The following MOV10L1 variants were observed in gnomAD, a reference collection of about 807,000 sequenced individuals.
MOV10L1 encodes the protein RNA helicase Mov10l1.
In MOV10L1, 110 loss-of-function variants were observed where a neutral mutation model predicts 143.8. The observed-to-expected ratio is 0.76, with a 90% CI of 0.66 to 0.90. The LOEUF (loss-of-function observed/expected upper bound fraction) is 0.90. MOV10L1 is among the 40% of genes least tolerant of loss of function. The probability of loss-of-function intolerance (pLI) is 0.00; values close to 1 mark genes in which losing one functional copy is unlikely to be tolerated. For synonymous variants in MOV10L1, 593 were observed against 581.1 expected, an observed-to-expected ratio of 1.02 and a Z score of -0.29; for missense variants, 1,406 against 1,526.8, an observed-to-expected ratio of 0.92 and a Z score of 1.32.
chr22:50,155,886 A>G (rs1356789091), intron 22 of MOV10L1, among the ~76,000 whole-genome samples: 2 of 152,140 alleles, frequency 1.3e-5, no homozygotes, highest in East Asian at 3.9e-4. Context: ...CCCTGTCTCT[A>G]CAAAAAATAC....
At chr22:50,116,660 CT>C (rs397867977) in intron 8 of MOV10L1, among the ~76,000 whole-genome samples, 1,431 of 104,090 alleles carry the variant, frequency 0.014, 12 homozygotes, top group African/African-American at 0.04. Context: ...TAGATGCTTA[CT>C]TTTTTTTTTT....
At chr22:50,134,910 G>C (rs1367012135) in intron 15 of MOV10L1, among the ~76,000 whole-genome samples, 3 of 152,212 alleles carry the variant, frequency 2.0e-5, no homozygotes, top group Admixed American at 2.0e-4. Context: ...TATATGCAAG[G>C]GCTAAGATGC....
Position 50,134,544 on chromosome 22 carries a change from G to A in MOV10L1, c.1984G>A (p.Glu662Lys), listed in dbSNP as rs1283758927. ...HLGVKVLFPE[E>K]IILQSPQVTG... ...TGTTTTAAAAGTGTTGTTTCCAGAA[G>A]AAATTATTTTACAGTCTCCACAAGT... Residue 662 changes from glutamate to lysine, a missense_variant, in exon 15 of 27, where the codon GAA becomes AAA. Transcript: ENST00000262794. The A allele has an allele frequency of 6.2e-7, 1 of 1,614,074 alleles. No individual in the cohort carries two copies. Among genetic ancestry groups the A allele is most frequent in the Non-Finnish European group, 8.5e-7 (1 of 1,179,976 alleles).
chr22:50,145,898 C>G, intron 19 of MOV10L1, 88 bp downstream of exon 19: 2 of 1,565,468 alleles, frequency 1.3e-6, no homozygotes, highest in Non-Finnish European at 1.7e-6. Context: ...GGCGGATGAC[C>G]CAGAGACTCA....
rs749837003 is a variant in MOV10L1 at position 50,142,175 on chromosome 22, A to AT, written c.2165_2166insT (p.Glu722AspfsTer8). The AT allele has an allele frequency of 6.2e-7, 1 of 1,612,622 alleles. No homozygotes were observed. The highest frequency in any genetic ancestry group is 8.5e-7 in the Non-Finnish European group (1 of 1,179,302). On this transcript the variant is annotated frameshift_variant, in exon 16 of 27. Coordinates refer to ENST00000262794, the MANE Select transcript of MOV10L1 (RefSeq NM_018995.3). LOFTEE classifies it high-confidence loss of function. The stretch of plus-strand genomic sequence containing the variant: ...CCGGTGCTGGCACCCTTTACTGCAG[A>AT]GATGAGCGATTGGGGTATGTGCTCA...
At chr22:50,122,817 T>A (rs2062388285) in intron 10 of MOV10L1, among the ~76,000 whole-genome samples, 1 of 151,694 alleles carries the variant, frequency 6.6e-6, no homozygotes, top group Admixed American at 6.6e-5. Context: ...CAGGCTCTCC[T>A]GTCGCCCAGG....
intron 11 of MOV10L1, 62 bp from the exon 12 acceptor site, chr22:50,126,140 G>A: frequency 8.2e-7 from 1 of 1,212,488 alleles, no homozygotes; most frequent in South Asian, 1.3e-5. Flanking sequence ...GATTTTATAG[G>A]ACAGCACAGA....
intron 10 of MOV10L1, among the ~76,000 whole-genome samples, chr22:50,121,979 G>T (rs897764705): frequency 2.6e-5 from 4 of 151,968 alleles, no homozygotes; most frequent in Non-Finnish European, 5.9e-5. Flanking sequence ...CCCCAGAGAC[G>T]AGGTCTCACT....
At chr22:50,091,956 G>A (rs1351225631) in intron 1 of MOV10L1, 45 bp from the exon 2 acceptor site, 26 of 1,581,368 alleles carry the variant, frequency 1.6e-5, no homozygotes, top group African/African-American at 8.1e-5. Context: ...TGTAGCGTAC[G>A]CTTGCTTTTA....
Position 50,142,148 on chromosome 22 carries a change from T to C in MOV10L1, c.2138T>C (p.Leu713Pro). 6.2e-7 allele frequency: 1 copy of C among 1,613,550 alleles called. No individual in the cohort carries two copies. The highest frequency in any genetic ancestry group is 8.5e-7 in the Non-Finnish European group (1 of 1,179,736). ...GAGAGGCGTGTTGGTGACAAGGACC[T>C]GCCGGTGCTGGCACCCTTTACTGCA... is the stretch of plus-strand genomic sequence containing the variant. ...TEERRVGDKD[L>P]PVLAPFTAEM... is the part of the protein sequence containing the mutation. The change falls in exon 16 of 27, where the codon CTG becomes CCG. Residue 713 changes from leucine to proline, a missense_variant. This residue lies in a region of MOV10L1 where 1,233 missense variants were observed against 1,351.4 expected (regional missense o/e 0.91). Coordinates refer to ENST00000262794, the MANE Select transcript of MOV10L1 (RefSeq NM_018995.3).
At chr22:50,146,891 C>T (rs1483065221) in intron 19 of MOV10L1, 2 of 619,226 alleles carry the variant, frequency 3.2e-6, no homozygotes, top group Non-Finnish European at 5.7e-6. Flanking sequence ...TTTTTTGGTT[C>T]AAGTCTTCAA....
At chr22:50,108,936 G>A (rs1317783265) in intron 5 of MOV10L1, 92 bp downstream of exon 5, 1 of 1,292,548 alleles carries the variant, frequency 7.7e-7, no homozygotes, top group Admixed American at 2.0e-5. Flanking sequence ...CCTGAGGTTG[G>A]GAGTTCAAGA....
chr22:50,155,635 C>A (rs1467878366), intron 22 of MOV10L1, among the ~76,000 whole-genome samples: 1 of 152,176 alleles, frequency 6.6e-6, no homozygotes, highest in East Asian at 1.9e-4. Context: ...GCCACCACGT[C>A]CGGCTAATTT....
chr22:50,096,871 A>G (rs1295740773), intron 2 of MOV10L1, among the ~76,000 whole-genome samples: 1 of 152,142 alleles, frequency 6.6e-6, no homozygotes, highest in Non-Finnish European at 1.5e-5. Context: ...CTGGATATTA[A>G]TCTCTCATCA....
intron 9 of MOV10L1, among the ~76,000 whole-genome samples, chr22:50,119,020 A>C (rs2062260286): frequency 6.6e-6 from 1 of 152,176 alleles, no homozygotes; most frequent in African/African-American, 2.4e-5. Context: ...GGCAGAGCAG[A>C]GTCCCCGAGG....
At chr22:50,149,840 AG>A in intron 20 of MOV10L1, 126 bp downstream of exon 20, 1 of 767,060 alleles carries the variant, frequency 1.3e-6, no homozygotes, top group Admixed American at 2.6e-5. Flanking sequence ...AAGGACCCCG[AG>A]GTGTTGGGGG....
At chr22:50,142,949 A>G (rs2063033187) in intron 16 of MOV10L1, 94 bp from the exon 17 acceptor site, 2 of 1,211,160 alleles carry the variant, frequency 1.7e-6, no homozygotes, top group East Asian at 2.4e-5. Context: ...TAGCCTTTGC[A>G]CAGACGTGCT....
Position 50,161,496 on chromosome 22 carries a change from G to A in MOV10L1, c.*47G>A, listed in dbSNP as rs767234131. Reference sequence around the variant, plus strand: ...GAGGCCATGTGCTCAGCCTGGCCACGTTGCCGTTACAGTCTGCTCCGTGGC... The same window carrying A: ...GAGGCCATGTGCTCAGCCTGGCCACATTGCCGTTACAGTCTGCTCCGTGGC... On this transcript the variant is annotated 3_prime_UTR_variant, in exon 27 of 27. Transcript: ENST00000262794. 1.2e-4 allele frequency: 183 copies of A among 1,532,214 alleles called. No homozygotes were observed. Among genetic ancestry groups the A allele is most frequent in the Middle Eastern group, 1.8e-4 (1 of 5,620 alleles). 94.9% of individuals were successfully genotyped at this position (1,532,214 alleles called of 1,614,324 possible). A position where few individuals can be genotyped will look rare whatever the true frequency, so the allele number is the denominator to read the frequency against.
chr22:50,158,192 C>T lies in MOV10L1; in HGVS notation c.3202C>T (p.Pro1068Ser). The part of the protein sequence containing the change: ...VSASDIGVIT[P>S]YRKQVEKIRI... ...TGCCAGCGACATTGGCGTCATCACG[C>T]CCTACCGGAAGCAGGTACGCCCTGC... Residue 1068 changes from proline (P) to serine (S), a missense_variant, in exon 23 of 27, where the codon CCC (proline) becomes TCC (serine). Physicochemically the swap from Pro to Ser is moderately conservative, Grantham distance 74. This residue lies in a region of MOV10L1 where 1,233 missense variants were observed against 1,351.4 expected (regional missense o/e 0.91). Transcript: ENST00000262794. This position sits in a 1 kb window ranked among gnomAD's most constrained non-coding sequence, Gnocchi z 5.0. 6.2e-7 allele frequency: 1 copy of T among 1,614,128 alleles called. No individual in the cohort carries two copies. The highest frequency in any genetic ancestry group is 8.5e-7 in the Non-Finnish European group (1 of 1,180,036).
Sources: allele counts gnomAD v4.1 joint callset (sites outside exome capture counted in the v4.1 genomes callset), GRCh38; gene constraint gnomAD v4.1.1; regional missense constraint gnomAD v4.1.1; non-coding constraint Gnocchi (gnomAD v3.1); transcripts MANE v1.5; gene names NCBI Gene and HGNC (gene_info 2026-07-23, HGNC 2026-07-21).